Variants in SYNJ1 observed in about 807,000 individuals in gnomAD.
The protein encoded by SYNJ1 is polyphosphatidylinositol phosphatase SYNJ1.
A neutral mutation model predicts 168.2 loss-of-function variants in SYNJ1; 78 were observed. The observed-to-expected ratio is 0.46, with a 90% CI of 0.39 to 0.56. The LOEUF (loss-of-function observed/expected upper bound fraction) is 0.56. Ranked by LOEUF, SYNJ1 falls within the 20% of genes least tolerant of loss-of-function variation. The pLI, the probability that SYNJ1 is intolerant of heterozygous loss-of-function variation, is 0.00. For synonymous variants in SYNJ1, 539 were observed against 548.6 expected (o/e 0.98, Z 0.24); for missense variants, 1,303 against 1,597.6 (o/e 0.82, Z 3.14).
chr21:32,699,925 G>A lies in SYNJ1; in HGVS notation c.392C>T (p.Ala131Val). 6.2e-7 allele frequency: 1 copy of A among 1,614,146 alleles called. No individual in the cohort carries two copies. The highest frequency in any genetic ancestry group is 8.5e-7 in the Non-Finnish European group (1 of 1,180,020). Residue 131 changes from alanine to valine, a missense_variant, in exon 4 of 33, where the codon GCA becomes GTA. Ala to Val is a moderately conservative substitution (Grantham distance 64, BLOSUM62 0). This residue lies in a region of SYNJ1 where 920 missense variants were observed against 1,208.8 expected (regional missense o/e 0.76). Transcript: ENST00000674351. Reference protein sequence around the residue: ...KVLNSGNFYFAWSASGISLDL... With the variant: ...KVLNSGNFYFVWSASGISLDL... ...TAAACTGATGCCAGATGCAGACCAT[G>A]CAAAATAAAAGTTTCCTGAATTCAA...
intron 23 of SYNJ1, among the ~76,000 whole-genome samples, chr21:32,646,878 C>A (rs536355313): frequency 6.6e-6 from 1 of 152,216 alleles, no homozygotes; most frequent in Non-Finnish European, 1.5e-5. Context: ...TCAATATGCC[C>A]CAGAGCAGCT....
chr21:32,722,189 GAAAA>G (rs869294126), intron 2 of SYNJ1, among the ~76,000 whole-genome samples: 1,360 of 112,506 alleles, frequency 0.012, 8 homozygotes, highest in East Asian at 0.036. Flanking sequence ...CCATCTCAAA[GAAAA>G]AAAAAAAAAA....
In SYNJ1 at chr21:32,656,898, C is replaced by T; in HGVS notation, c.2584G>A (p.Val862Ile). ...ATATCTATATCAATCAGGGCAACGA[C>T]AGGCCTTAAGGCATAAAGGAAGATA... ...AELKTSDHRP[V>I]VALIDIDIFE... Residue 862 changes from valine (V) to isoleucine (I), a missense_variant, in exon 21 of 33, where the codon GTC becomes ATC. By Grantham distance (29) the Val-to-Ile change is conservative. This residue lies in a region of SYNJ1 where 920 missense variants were observed against 1,208.8 expected (regional missense o/e 0.76). Transcript: ENST00000674351. 6.2e-7 allele frequency: 1 copy of T among 1,613,984 alleles called. No individual in the cohort carries two copies. Among genetic ancestry groups the T allele is most frequent in the Non-Finnish European group, 8.5e-7 (1 of 1,179,984 alleles).
At chr21:32,712,337 GAA>G (rs1555910540) in intron 2 of SYNJ1, among the ~76,000 whole-genome samples, 2 of 152,070 alleles carry the variant, frequency 1.3e-5, no homozygotes, top group Non-Finnish European at 2.9e-5. Context: ...ATTTTCAGAA[GAA>G]AAAGAGTAGA....
chr21:32,694,141 A>G, intron 6 of SYNJ1, 87 bp downstream of exon 6: 2 of 885,720 alleles, frequency 2.3e-6, no homozygotes, highest in East Asian at 3.2e-5. Context: ...TGGAACCATC[A>G]ATGAATTAAT....
At chr21:32,727,426 G>A (rs1180626207) in intron 1 of SYNJ1, among the ~76,000 whole-genome samples, 1 of 152,328 alleles carries the variant, frequency 6.6e-6, no homozygotes, top group East Asian at 1.9e-4. Flanking sequence ...TCTCCCGGGG[G>A]TGGCGATGAA....
rs1187078975 is a variant in SYNJ1 at position 32,695,166 on chromosome 21, G to A, written c.596C>T (p.Ala199Val). ...IRTIYAAHKQ[A>V]KACLISRLSC... ...TAATCTTGAAATGAGGCAAGCCTTC[G>A]CCTGTTTATGAGCAGCATAAATTGT... Residue 199 changes from alanine to valine, a missense_variant, in exon 5 of 33, where the codon GCG (alanine) becomes GTG (valine). By Grantham distance (64) the Ala-to-Val change is moderately conservative. Coordinates refer to ENST00000674351, the MANE Select transcript of SYNJ1 (RefSeq NM_203446.3). 3 of 1,614,006 alleles carry A rather than the reference G, an allele frequency of 1.9e-6. No individual in the cohort carries two copies. Among genetic ancestry groups the A allele is most frequent in the South Asian group, 1.1e-5 (1 of 91,074 alleles).
chr21:32,707,219 C>G (rs1448227886), intron 2 of SYNJ1, among the ~76,000 whole-genome samples: 2 of 151,912 alleles, frequency 1.3e-5, no homozygotes, highest in African/African-American at 4.8e-5. Flanking sequence ...AAATCTTTCT[C>G]CTATTTTATA....
chr21:32,677,565 T>C (rs1328043455), intron 12 of SYNJ1, among the ~76,000 whole-genome samples: 1 of 152,172 alleles, frequency 6.6e-6, no homozygotes, highest in Non-Finnish European at 1.5e-5. Flanking sequence ...CACATCAATG[T>C]AGGCACAGGT....
chr21:32,634,701 A>C (rs1359308922), intron 32 of SYNJ1, among the ~76,000 whole-genome samples, 160 bp downstream of exon 32: 1 of 152,218 alleles, frequency 6.6e-6, no homozygotes, highest in Non-Finnish European at 1.5e-5. Context: ...CAAAATACTA[A>C]GAAAAAGAAA....
intron 14 of SYNJ1, 60 bp from the exon 15 acceptor site, chr21:32,670,432 T>C: frequency 7.6e-7 from 1 of 1,307,646 alleles, no homozygotes; most frequent in Non-Finnish European, 1.1e-6. Context: ...AGCAACCCCA[T>C]CCAACACAAC....
intron 13 of SYNJ1, 77 bp from the exon 14 acceptor site, chr21:32,673,608 G>A (rs1358405166): frequency 2.4e-6 from 3 of 1,263,976 alleles, no homozygotes; most frequent in East Asian, 5.3e-5. Context: ...ACTGAGATAC[G>A]ATGTCCGCTG....
chr21:32,642,190 G>A, intron 27 of SYNJ1, 57 bp from the exon 28 acceptor site: 12 of 1,592,968 alleles, frequency 7.5e-6, no homozygotes, highest in East Asian at 2.2e-5. Flanking sequence ...AAGCAATATT[G>A]CATAACATCA....
Position 32,700,018 on chromosome 21 carries a change from G to T in SYNJ1, c.299C>A (p.Ser100Tyr). Residue 100 changes from serine (S) to tyrosine (Y), a missense_variant, in exon 4 of 33, where the codon TCC becomes TAC. Ser to Tyr is a moderately radical substitution (Grantham distance 144). Coordinates refer to ENST00000674351, the MANE Select transcript of SYNJ1 (RefSeq NM_203446.3). ...IQESEVFRVT[S>Y]TEFISLRIDS... Reference sequence around the variant, plus strand: ...GATTCGCAGTGATATAAACTCAGTGGAAGTAACTCGGAAAACTTCAGATTC... The same window carrying T: ...GATTCGCAGTGATATAAACTCAGTGTAAGTAACTCGGAAAACTTCAGATTC... 1 of 1,614,132 alleles carries T rather than the reference G, an allele frequency of 6.2e-7. No homozygotes were observed. Among genetic ancestry groups the T allele is most frequent in the East Asian group, 2.2e-5 (1 of 44,874 alleles).
At chr21:32,685,425 CAAAAAAA>C (rs57470866) in intron 9 of SYNJ1, among the ~76,000 whole-genome samples, 13 of 67,238 alleles carry the variant, frequency 1.9e-4, no homozygotes, top group East Asian at 8.5e-4. Context: ...CCGTCTCTAC[CAAAAAAA>C]AAAAAAAAAA....
intron 2 of SYNJ1, among the ~76,000 whole-genome samples, chr21:32,713,354 A>C (rs1659402084): frequency 6.9e-6 from 1 of 145,616 alleles, no homozygotes; most frequent in African/African-American, 2.6e-5. Context: ...ATATGTCAAC[A>C]TGGATGATTT....
chr21:32,637,089 T>G (rs1047615079), intron 31 of SYNJ1, among the ~76,000 whole-genome samples: 7 of 152,206 alleles, frequency 4.6e-5, no homozygotes, highest in African/African-American at 1.7e-4. Context: ...GCTAACAGTT[T>G]GCACCTCCGG....
intron 15 of SYNJ1, among the ~76,000 whole-genome samples, chr21:32,668,281 T>C (rs183965992): frequency 6.6e-6 from 1 of 152,268 alleles, no homozygotes; most frequent in East Asian, 1.9e-4. Flanking sequence ...TTGGCCAGGC[T>C]GGTCTCAAAC....
At chr21:32,687,904 A>C (rs568814054) in intron 7 of SYNJ1, among the ~76,000 whole-genome samples, 119 of 152,274 alleles carry the variant, frequency 7.8e-4, no homozygotes, top group Non-Finnish European at 1.4e-3. Flanking sequence ...GGGTAGAACC[A>C]ATACTCTGAG....
Sources: allele counts gnomAD v4.1 joint callset (sites outside exome capture counted in the v4.1 genomes callset), GRCh38; gene constraint gnomAD v4.1.1; regional missense constraint gnomAD v4.1.1; transcripts MANE v1.5; gene names NCBI Gene and HGNC (gene_info 2026-07-23, HGNC 2026-07-21).